The following PSD3 variants were observed in gnomAD, a reference collection of about 807,000 sequenced individuals.
The protein encoded by PSD3 is PH and SEC7 domain-containing protein 3.
A neutral mutation model predicts 105.5 loss-of-function variants in PSD3; 49 were observed. The ratio of observed to expected loss-of-function variants is 0.46; its 90% confidence interval spans 0.37 to 0.59. The LOEUF (loss-of-function observed/expected upper bound fraction) is 0.59. PSD3 is among the 20% of genes least tolerant of loss of function. PSD3 has a pLI of 0.00. For synonymous variants in PSD3, 557 were observed against 457.8 expected (o/e 1.22, Z -2.77); for missense variants, 1,561 against 1,263.8 (o/e 1.24, Z -3.57).
chr8:19,029,532 T>C (rs1827683213), intron 1 of PSD3, among the ~76,000 whole-genome samples: 1 of 152,086 alleles, frequency 6.6e-6, no homozygotes, highest in African/African-American at 2.4e-5. Context: ...CTTCATATGA[T>C]GACAGCAAGG....
intron 10 of PSD3, among the ~76,000 whole-genome samples, chr8:18,647,705 G>A (rs756862273): frequency 3.6e-5 from 5 of 137,664 alleles, no homozygotes; most frequent in Non-Finnish European, 7.6e-5. Context: ...TTGGATCTGT[G>A]TCCCCGCTCA....
At chr8:18,984,480 G>GA (rs2129472992) in intron 1 of PSD3, among the ~76,000 whole-genome samples, 1 of 151,944 alleles carries the variant, frequency 6.6e-6, no homozygotes, top group East Asian at 1.9e-4. Context: ...AGTATTAAGT[G>GA]CATACATTAA....
At chr8:18,865,176 C>T (rs114972151) in intron 4 of PSD3, 2 of 134,592 alleles carry the variant, frequency 1.5e-5, no homozygotes, top group Admixed American at 7.9e-5. Flanking sequence ...AAGACAGCCA[C>T]GTGGCTTTGG....
At chr8:18,776,130 G>C (rs1808047965) in intron 8 of PSD3, among the ~76,000 whole-genome samples, 1 of 151,806 alleles carries the variant, frequency 6.6e-6, no homozygotes, top group Non-Finnish European at 1.5e-5. Flanking sequence ...TGTTCTTGGA[G>C]CCTTTGTCAA....
Position 18,863,284 on chromosome 8 carries a change from C to T in PSD3, c.1634+4390G>A, listed in dbSNP as rs905349027. ...AAGTTGTGGTCATCTGCTGATAAGC[C>T]GGCGAGCGAGAAGCACTCAGACACA... On this transcript the variant is annotated intron_variant, in intron 4 of 15. Transcript: ENST00000327040. Among the ~76,000 whole-genome samples the T allele has an allele frequency of 5.3e-5, 8 of 152,238 alleles. No homozygotes were observed. The South Asian group carries it at 1.0e-3, about 20-fold the overall frequency.
chr8:19,013,486 CAA>C, intron 1 of PSD3, 75 bp downstream of exon 1: 1 of 1,572,896 alleles, frequency 6.4e-7, no homozygotes, highest in Non-Finnish European at 8.6e-7. Context: ...AGAGCGGCGA[CAA>C]AGCAACACAA....
intron 4 of PSD3, among the ~76,000 whole-genome samples, chr8:18,823,326 A>C (rs553839335): frequency 6.6e-6 from 1 of 152,328 alleles, no homozygotes; most frequent in South Asian, 2.1e-4. Context: ...AATTCCTATC[A>C]TTGGAACTAG....
At chr8:18,857,225 G>T (rs540561439) in intron 4 of PSD3, among the ~76,000 whole-genome samples, 2 of 152,298 alleles carry the variant, frequency 1.3e-5, no homozygotes, top group African/African-American at 2.4e-5. Flanking sequence ...GCTCAACTTT[G>T]TATTCTGCCT....
At chr8:18,868,140 T>G in intron 3 of PSD3, 71 bp from the exon 4 acceptor site, 1 of 1,439,158 alleles carries the variant, frequency 6.9e-7, no homozygotes, top group Non-Finnish European at 9.4e-7. Context: ...TTCAACCATA[T>G]AAAAAGGACA....
At chr8:18,951,117 G>C (rs1380104110) in intron 1 of PSD3, among the ~76,000 whole-genome samples, 1 of 152,156 alleles carries the variant, frequency 6.6e-6, no homozygotes, top group African/African-American at 2.4e-5. Context: ...AAAAAGAAAA[G>C]GGCATGGTGG....
chr8:18,987,302 T>C (rs2129473228), intron 1 of PSD3, among the ~76,000 whole-genome samples: 1 of 151,730 alleles, frequency 6.6e-6, no homozygotes, highest in South Asian at 2.1e-4. Context: ...ATATATATTT[T>C]TTTAAGACGG....
Position 18,556,200 on chromosome 8 carries a change from G to A in PSD3, c.2928+9C>T, listed in dbSNP as rs755356040. 6.2e-7 allele frequency: 1 copy of A among 1,613,068 alleles called. No individual in the cohort carries two copies. The highest frequency in any genetic ancestry group is 8.5e-7 in the Non-Finnish European group (1 of 1,179,602). ...AATCAGCATTTACTAACATTTGGGTGCAACACACCTCAAACTCCAGATAGT... is the reference window on the plus strand; with the variant it reads ...AATCAGCATTTACTAACATTTGGGTACAACACACCTCAAACTCCAGATAGT... On this transcript the variant is annotated intron_variant, in intron 15 of 15. Transcript: ENST00000327040.
At chr8:18,855,661 G>C (rs998426086) in intron 4 of PSD3, among the ~76,000 whole-genome samples, 1 of 151,398 alleles carries the variant, frequency 6.6e-6, no homozygotes, top group East Asian at 2.0e-4. Context: ...TTCACAAAAG[G>C]AAACAAGATA....
intron 9 of PSD3, among the ~76,000 whole-genome samples, chr8:18,731,849 T>C (rs1803774387): frequency 6.6e-6 from 1 of 152,208 alleles, no homozygotes; most frequent in Non-Finnish European, 1.5e-5. Flanking sequence ...TCTGGGTCTT[T>C]GCTTTTAAAT....
intron 2 of PSD3, among the ~76,000 whole-genome samples, chr8:18,876,270 G>T (rs552337026): frequency 2.0e-5 from 3 of 152,206 alleles, no homozygotes; most frequent in African/African-American, 7.2e-5. Context: ...TTCATCATAC[G>T]GGAGCAGTCT....
At position 18,603,474 on chromosome 8, in the gene PSD3, G is replaced by A. The variant is rs542840599; in HGVS notation, c.2411-3040C>T. On this transcript the variant is annotated intron_variant, in intron 11 of 15. Coordinates refer to ENST00000327040, the MANE Select transcript of PSD3 (RefSeq NM_015310.4). Reference sequence around the variant, plus strand: ...CTTTAGTGAGGAGGGTCTTTTGGTGGCCAATCTTCTATTTTTGTTTGTATA... The same window carrying A: ...CTTTAGTGAGGAGGGTCTTTTGGTGACCAATCTTCTATTTTTGTTTGTATA... 7.2e-5 allele frequency among the ~76,000 whole-genome samples: 11 copies of A among 152,146 alleles called. 1 individual carries two copies. In the South Asian group the frequency reaches 1.9e-3, roughly 26 times the overall value.
At chr8:18,652,360 C>G (rs1421018745) in intron 10 of PSD3, among the ~76,000 whole-genome samples, 1 of 151,956 alleles carries the variant, frequency 6.6e-6, no homozygotes, top group Non-Finnish European at 1.5e-5. Flanking sequence ...AAGTGTCCAT[C>G]TAACGCTAAG....
At chr8:18,704,885 G>C (rs1379809656) in intron 9 of PSD3, among the ~76,000 whole-genome samples, 1 of 151,980 alleles carries the variant, frequency 6.6e-6, no homozygotes, top group East Asian at 1.9e-4. Flanking sequence ...AGGTTTTGGA[G>C]ATCAACTAAG....
intron 9 of PSD3, among the ~76,000 whole-genome samples, chr8:18,749,144 C>T (rs1357800474): frequency 6.6e-6 from 1 of 152,176 alleles, no homozygotes; most frequent in East Asian, 1.9e-4. Context: ...CTAGAAAAAT[C>T]TGATGTTAGG....
Sources: allele counts gnomAD v4.1 joint callset (sites outside exome capture counted in the v4.1 genomes callset), GRCh38; gene constraint gnomAD v4.1.1; transcripts MANE v1.5; gene names NCBI Gene and HGNC (gene_info 2026-07-23, HGNC 2026-07-21).